Variants in SLIT2 observed in about 807,000 individuals in gnomAD.
SLIT2 encodes the protein slit guidance ligand 2.
A neutral mutation model predicts 185.7 loss-of-function variants in SLIT2; 41 were observed. The ratio of observed to expected loss-of-function variants is 0.22; its 90% confidence interval spans 0.17 to 0.29. SLIT2 has a LOEUF of 0.29. Among genes scored for constraint, SLIT2 ranks in the 10% least tolerant of loss-of-function variants. The pLI is 1.00. For missense variants in SLIT2, 1,571 were observed against 1,909.0 expected, an observed-to-expected ratio of 0.82 and a Z score of 3.30; for synonymous variants, 693 against 680.2, an observed-to-expected ratio of 1.02 and a Z score of -0.29.
rs115994096 is a variant in SLIT2 at position 20,409,646 on chromosome 4, C to T, written c.396-58106C>T. 4.9e-3 allele frequency among the ~76,000 whole-genome samples: 749 copies of T among 152,280 alleles called. 7 individuals carry two copies. Among genetic ancestry groups the T allele is most frequent in the African/African-American group, 0.017 (709 of 41,558 alleles). ...CCTCTAGGTTTTTGAGGAATTACCA[C>T]ACTGTGTTCCACAATGGTTGAACTA... On this transcript the variant is annotated intron_variant, in intron 4 of 36. Coordinates refer to ENST00000504154, the MANE Select transcript of SLIT2 (RefSeq NM_004787.4).
Position 20,436,277 on chromosome 4 carries a change from C to T in SLIT2, c.396-31475C>T, listed in dbSNP as rs754901511. Among the ~76,000 whole-genome samples the T allele has an allele frequency of 2.4e-4, 36 of 152,234 alleles. 1 individual carries two copies. Among genetic ancestry groups the T allele is most frequent in the Non-Finnish European group, 2.9e-5 (2 of 68,040 alleles). ...CACACTACCTCTTTAAACATACAATCTAAGTAAAAACTATATGCTTGTTAG... is the reference window on the plus strand; with the variant it reads ...CACACTACCTCTTTAAACATACAATTTAAGTAAAAACTATATGCTTGTTAG... On this transcript the variant is annotated intron_variant, in intron 4 of 36. Coordinates refer to ENST00000504154, the MANE Select transcript of SLIT2 (RefSeq NM_004787.4).
At chr4:20,512,818 G>A (rs1280298330) in intron 11 of SLIT2, among the ~76,000 whole-genome samples, 1 of 151,966 alleles carries the variant, frequency 6.6e-6, no homozygotes, top group Non-Finnish European at 1.5e-5. Flanking sequence ...TATTTATATC[G>A]GCTTGCTTGC....
At chr4:20,535,129 T>A (rs531459462) in intron 18 of SLIT2, among the ~76,000 whole-genome samples, 1 of 151,926 alleles carries the variant, frequency 6.6e-6, no homozygotes, top group South Asian at 2.1e-4. Flanking sequence ...TGACATCCGG[T>A]CTCTACTACA....
intron 12 of SLIT2, among the ~76,000 whole-genome samples, chr4:20,519,807 T>A (rs1415021000): frequency 1.3e-5 from 2 of 150,546 alleles, no homozygotes; most frequent in African/African-American, 4.9e-5. Context: ...CCGAGGCAGG[T>A]GGATCACGAG....
intron 29 of SLIT2, among the ~76,000 whole-genome samples, chr4:20,573,944 T>TTATTTATTTATG (rs1246130638): frequency 6.7e-6 from 1 of 148,728 alleles, no homozygotes; most frequent in Non-Finnish European, 1.5e-5. Flanking sequence ...ATTATTTTAT[T>TTATTTATTTATG]TATTTATTTA....
At chr4:20,614,016 C>T (rs1226092899) in intron 34 of SLIT2, among the ~76,000 whole-genome samples, 2 of 152,040 alleles carry the variant, frequency 1.3e-5, no homozygotes, top group Admixed American at 6.6e-5. Context: ...GGATTACAGG[C>T]GCCTGCTACC....
chr4:20,537,657 T>C (rs1393803621), intron 18 of SLIT2, among the ~76,000 whole-genome samples: 1 of 152,176 alleles, frequency 6.6e-6, no homozygotes, highest in African/African-American at 2.4e-5. Context: ...CTCCTTAATC[T>C]AGTTAGGTTT....
At chr4:20,347,024 A>G (rs1721470059) in intron 4 of SLIT2, among the ~76,000 whole-genome samples, 1 of 152,210 alleles carries the variant, frequency 6.6e-6, no homozygotes, top group Admixed American at 6.5e-5. Flanking sequence ...CCCAGTAACA[A>G]TACTTTGCAT....
intron 18 of SLIT2, among the ~76,000 whole-genome samples, chr4:20,535,504 T>A (rs1234644683): frequency 6.6e-6 from 1 of 151,614 alleles, no homozygotes; most frequent in Non-Finnish European, 1.5e-5. Flanking sequence ...TACCTTGGAG[T>A]GGGAGGAAGG....
intron 4 of SLIT2, among the ~76,000 whole-genome samples, chr4:20,404,214 T>A (rs1726587628): frequency 6.6e-6 from 1 of 152,038 alleles, no homozygotes; most frequent in Non-Finnish European, 1.5e-5. Context: ...GTTTCTATTG[T>A]GTCTTAGCAA....
rs561924380 is a variant in SLIT2 at position 20,426,465 on chromosome 4, A to G, written c.396-41287A>G. ...AAAATAGTCATATTTCACTAGATTTAGCAGTGTGTTATCCAATCACAGATG... is the reference window on the plus strand; with the variant it reads ...AAAATAGTCATATTTCACTAGATTTGGCAGTGTGTTATCCAATCACAGATG... On this transcript the variant is annotated intron_variant, in intron 4 of 36. Transcript: ENST00000504154. 5.9e-4 allele frequency among the ~76,000 whole-genome samples: 90 copies of G among 152,336 alleles called. No individual in the cohort carries two copies. The South Asian group carries it at 0.014, about 25-fold the overall frequency.
chr4:20,379,829 A>G (rs1052457637), intron 4 of SLIT2, among the ~76,000 whole-genome samples: 1 of 152,200 alleles, frequency 6.6e-6, no homozygotes, highest in Admixed American at 6.6e-5. Context: ...AAGGAATTTC[A>G]AAACAGTGCG....
chr4:20,386,899 G>A (rs1333626786), intron 4 of SLIT2, among the ~76,000 whole-genome samples: 1 of 152,164 alleles, frequency 6.6e-6, no homozygotes, highest in African/African-American at 2.4e-5. Flanking sequence ...GGGGTATGTG[G>A]TGGGCTTTTA....
chr4:20,612,323 A>G (rs1390977329), intron 34 of SLIT2, among the ~76,000 whole-genome samples: 1 of 147,654 alleles, frequency 6.8e-6, no homozygotes, highest in Admixed American at 6.7e-5. Flanking sequence ...AAAAAAAAAA[A>G]GAGGAAAAAA....
intron 4 of SLIT2, among the ~76,000 whole-genome samples, chr4:20,301,221 T>G (rs1426956842): frequency 1.3e-5 from 2 of 152,150 alleles, no homozygotes; most frequent in East Asian, 3.9e-4. Context: ...TTATGAACAA[T>G]GATAACACTA....
chr4:20,326,276 A>G (rs1577436852), intron 4 of SLIT2, among the ~76,000 whole-genome samples: 1 of 152,044 alleles, frequency 6.6e-6, no homozygotes. Context: ...GACTCTATCT[A>G]CTGTGTCTTG....
chr4:20,469,125 G>A lies in SLIT2; in HGVS notation c.467+1302G>A, dbSNP rs545691689. Among the ~76,000 whole-genome samples the A allele has an allele frequency of 2.3e-4, 35 of 152,124 alleles. No individual in the cohort carries two copies. In the South Asian group the frequency reaches 6.7e-3, roughly 29 times the overall value. The stretch of plus-strand genomic sequence containing the variant: ...TTTCTTTTTACTTTTGCTAGTTAGG[G>A]CTTCAAGAAGTCTTCAGGTAGACTC... On this transcript the variant is annotated intron_variant, in intron 5 of 36. Transcript: ENST00000504154.
chr4:20,323,932 G>A (rs753690321), intron 4 of SLIT2, among the ~76,000 whole-genome samples: 14 of 152,094 alleles, frequency 9.2e-5, no homozygotes, highest in Non-Finnish European at 1.5e-4. Flanking sequence ...TTTTAAATTT[G>A]GAAGTTCATA....
At chr4:20,376,499 A>G (rs1052476417) in intron 4 of SLIT2, among the ~76,000 whole-genome samples, 1 of 152,088 alleles carries the variant, frequency 6.6e-6, no homozygotes, top group African/African-American at 2.4e-5. Context: ...TTGACTTTTA[A>G]TGGTGCAATG....
Sources: gnomAD v4.1 joint callset for allele counts (sites outside exome capture counted in the v4.1 genomes callset) on GRCh38, gnomAD v4.1.1 for gene constraint, MANE v1.5 for transcripts, NCBI Gene and HGNC (gene_info 2026-07-23, HGNC 2026-07-21) for gene names.